NRG1: variants seen among roughly 807,000 people sequenced by gnomAD.
NRG1 encodes the protein pro-neuregulin-1, membrane-bound isoform.
A neutral mutation model predicts 63.8 loss-of-function variants in NRG1; 18 were observed. The ratio of observed to expected loss-of-function variants is 0.28; its 90% CI spans 0.19 to 0.42. The LOEUF is 0.42. Ranked by LOEUF, NRG1 falls within the 10% of genes least tolerant of loss-of-function variation. The pLI is 1.00. For synonymous variants in NRG1, 302 were observed against 301.3 expected, an observed-to-expected ratio of 1.00 and a Z score of -0.02; for missense variants, 762 against 814.7, an observed-to-expected ratio of 0.94 and a Z score of 0.79.
Position 32,008,223 on chromosome 8 carries a change from G to A in NRG1, c.37+368792G>A, listed in dbSNP as rs115165252. 6.0e-3 allele frequency among the ~76,000 whole-genome samples: 916 copies of A among 151,986 alleles called. 10 individuals carry two copies. Among genetic ancestry groups the A allele is most frequent in the African/African-American group, 0.021 (880 of 41,488 alleles). On this transcript the variant is annotated intron_variant, in intron 1 of 10. Coordinates refer to the NRG1 transcript ENST00000519301. ...TTCTTTCATATATTTATTAGAGTAC[G>A]CTTTCCCAGAGTGTCGATTGCATGA...
intron 1 of NRG1, among the ~76,000 whole-genome samples, chr8:32,079,297 G>A (rs1283417911): frequency 6.6e-6 from 1 of 152,020 alleles, no homozygotes; most frequent in Admixed American, 6.6e-5. Flanking sequence ...AAAAGATAAA[G>A]CAGATATTAT....
intron 1 of NRG1, among the ~76,000 whole-genome samples, chr8:31,695,233 G>A (rs911894804): frequency 1.5e-4 from 23 of 152,084 alleles, no homozygotes; most frequent in African/African-American, 5.1e-4. Context: ...GCAGTGGTGC[G>A]ATTTTGGCTC....
chr8:32,723,463 C>T (rs564286468), intron 5 of NRG1, among the ~76,000 whole-genome samples: 31 of 151,742 alleles, frequency 2.0e-4, no homozygotes, highest in South Asian at 1.5e-3. Context: ...GGGTGGATCA[C>T]GAGGCCAAGA....
chr8:32,024,083 T>G (rs77296938), intron 1 of NRG1, among the ~76,000 whole-genome samples: 8 of 152,182 alleles, frequency 5.3e-5, no homozygotes, highest in Admixed American at 2.6e-4. Flanking sequence ...ATCCTGGGCT[T>G]CATTGCCCTG....
chr8:32,501,410 T>C (rs948285807), intron 1 of NRG1, among the ~76,000 whole-genome samples: 1 of 152,232 alleles, frequency 6.6e-6, no homozygotes, highest in South Asian at 2.1e-4. Context: ...GTGCTTCCCA[T>C]GCAATTTAGC....
chr8:32,176,816 A>T (rs1443045350), intron 1 of NRG1, among the ~76,000 whole-genome samples: 1 of 152,212 alleles, frequency 6.6e-6, no homozygotes, highest in African/African-American at 2.4e-5. Context: ...ATCATTAAAA[A>T]GTCAGGAAAC....
At chr8:31,887,245 T>C (rs752474264) in intron 1 of NRG1, among the ~76,000 whole-genome samples, 12 of 151,982 alleles carry the variant, frequency 7.9e-5, no homozygotes, top group African/African-American at 2.4e-5. Context: ...TGAGATAGAA[T>C]AGTAACGACA....
At chr8:31,874,536 A>G (rs1056306041) in intron 1 of NRG1, among the ~76,000 whole-genome samples, 4 of 152,234 alleles carry the variant, frequency 2.6e-5, no homozygotes, top group African/African-American at 4.8e-5. Context: ...CATGCAATGC[A>G]TTATAATCAC....
Position 31,689,060 on chromosome 8 carries a change from C to A in NRG1, c.37+49629C>A, listed in dbSNP as rs191238986. 3.7e-3 allele frequency among the ~76,000 whole-genome samples: 556 copies of A among 152,284 alleles called. 2 individuals are homozygous for A. The highest frequency in any genetic ancestry group is 0.021 in the South Asian group (101 of 4,820). On this transcript the variant is annotated intron_variant, in intron 1 of 10. Transcript: ENST00000519301. ...CCAGCAGACTCACATCTTCAAATCT[C>A]TATCTAACTCTCTCTTCCGCCTCCA...
chr8:31,777,340 C>G (rs1011969793), intron 1 of NRG1, among the ~76,000 whole-genome samples: 1 of 152,226 alleles, frequency 6.6e-6, no homozygotes, highest in Non-Finnish European at 1.5e-5. Flanking sequence ...GTTCACTCCA[C>G]TTCCTGTTAG....
intron 1 of NRG1, chr8:32,221,150 A>G (rs1211445865): frequency 2.6e-5 from 2 of 76,826 alleles, no homozygotes; most frequent in African/African-American, 1.8e-4. Flanking sequence ...AATATTTCTT[A>G]TCTATATGCA....
chr8:31,748,886 C>A (rs1816165690), intron 1 of NRG1, among the ~76,000 whole-genome samples: 2 of 151,854 alleles, frequency 1.3e-5, no homozygotes, highest in East Asian at 3.9e-4. Flanking sequence ...TACCCTACCT[C>A]TGACCCTCAA....
chr8:31,758,075 A>G (rs1339691656), intron 1 of NRG1, among the ~76,000 whole-genome samples: 1 of 152,008 alleles, frequency 6.6e-6, no homozygotes, highest in Non-Finnish European at 1.5e-5. Flanking sequence ...TTTATTTATT[A>G]CACCTTTAAG....
At chr8:32,363,577 C>T (rs1317752706) in intron 1 of NRG1, among the ~76,000 whole-genome samples, 1 of 152,306 alleles carries the variant, frequency 6.6e-6, no homozygotes, top group African/African-American at 2.4e-5. Context: ...GCCAAACAGG[C>T]CTTTGTGGAA....
At chr8:32,392,092 G>A (rs927875448) in intron 1 of NRG1, among the ~76,000 whole-genome samples, 1 of 152,078 alleles carries the variant, frequency 6.6e-6, no homozygotes, top group Non-Finnish European at 1.5e-5. Flanking sequence ...GGTTCATTTG[G>A]GAAAAAAATT....
intron 1 of NRG1, among the ~76,000 whole-genome samples, chr8:31,805,269 A>C (rs544263428): frequency 6.6e-6 from 1 of 152,088 alleles, no homozygotes; most frequent in East Asian, 1.9e-4. Flanking sequence ...TTGTGCTTTA[A>C]ATTAATTGTA....
chr8:32,193,965 T>C lies in NRG1; in HGVS notation c.38-401863T>C, dbSNP rs553267496. On this transcript the variant is annotated intron_variant, in intron 1 of 10. Transcript: ENST00000519301. ...CAGAGGAAGCAGCCCTGTGGACACC[T>C]TGATCTCAAACTTCCAGGGCAGTAA... Among the ~76,000 whole-genome samples, 6 of 152,322 alleles carry C rather than the reference T, an allele frequency of 3.9e-5. No homozygotes were observed. In the South Asian group the frequency reaches 1.2e-3, roughly 32 times the overall value.
At chr8:31,753,810 A>C (rs887994122) in intron 1 of NRG1, among the ~76,000 whole-genome samples, 4 of 152,072 alleles carry the variant, frequency 2.6e-5, no homozygotes, top group Admixed American at 2.0e-4. Flanking sequence ...CAGCAATATC[A>C]GCAACTATTA....
At chr8:32,203,436 G>A (rs1027488656) in intron 1 of NRG1, among the ~76,000 whole-genome samples, 5 of 151,518 alleles carry the variant, frequency 3.3e-5, no homozygotes, top group South Asian at 2.1e-4. Flanking sequence ...GTGCAGTGGT[G>A]CAATCTTGGC....
Sources: gnomAD v4.1 joint callset for allele counts (sites outside exome capture counted in the v4.1 genomes callset) on GRCh38, gnomAD v4.1.1 for gene constraint, MANE v1.5 for transcripts, NCBI Gene and HGNC (gene_info 2026-07-23, HGNC 2026-07-21) for gene names.